GRM5: variants seen among roughly 807,000 people sequenced by gnomAD.
GRM5 encodes the protein glutamate metabotropic receptor 5.
In GRM5, 19 loss-of-function variants were observed where a neutral mutation model predicts 83.1. The observed-to-expected ratio is 0.23, with a 90% CI of 0.16 to 0.34. The LOEUF (loss-of-function observed/expected upper bound fraction) is 0.34, where lower values mean the gene tolerates loss of function less well. Ranked by LOEUF, GRM5 falls within the 10% of genes least tolerant of loss-of-function variation. The pLI is 1.00. For synonymous variants in GRM5, 675 were observed against 633.6 expected, an observed-to-expected ratio of 1.07 and a Z score of -0.98; for missense variants, 1,160 against 1,588.3, an observed-to-expected ratio of 0.73 and a Z score of 4.58.
intron 3 of GRM5, among the ~76,000 whole-genome samples, chr11:88,689,381 T>A (rs1940724117): frequency 6.6e-6 from 1 of 152,106 alleles, no homozygotes; most frequent in Non-Finnish European, 1.5e-5. Context: ...AGTTTTGAGG[T>A]GTGAAGACTT....
Position 88,524,406 on chromosome 11 carries a change from C to T in GRM5, c.2726+903G>A, listed in dbSNP as rs759692096. On this transcript the variant is annotated intron_variant, in intron 9 of 9. Transcript: ENST00000305447. ...CTAATTTTTGTGTTTTTAGTAGAGACGGGGTTTCACCACATTGGCTAGGCT... is the reference window on the plus strand; with the variant it reads ...CTAATTTTTGTGTTTTTAGTAGAGATGGGGTTTCACCACATTGGCTAGGCT... 5.3e-5 allele frequency among the ~76,000 whole-genome samples: 8 copies of T among 151,800 alleles called. No individual in the cohort carries two copies. In the South Asian group the frequency reaches 6.2e-4, roughly 12 times the overall value.
chr11:88,976,243 T>C lies in GRM5; in HGVS notation c.661+70969A>G, dbSNP rs1368673258. Reference sequence around the variant, plus strand: ...ATACTGACTGATTAAATATAATGAATATTTAAAAACTGATATAAAATTGTG... The same window carrying C: ...ATACTGACTGATTAAATATAATGAACATTTAAAAACTGATATAAAATTGTG... On this transcript the variant is annotated intron_variant, in intron 2 of 9. Transcript: ENST00000305447. 4.6e-5 allele frequency among the ~76,000 whole-genome samples: 7 copies of C among 152,280 alleles called. No individual in the cohort carries two copies. In the South Asian group the frequency reaches 6.2e-4, roughly 14 times the overall value.
At chr11:88,599,273 G>T (rs999001873) in intron 5 of GRM5, among the ~76,000 whole-genome samples, 4 of 152,166 alleles carry the variant, frequency 2.6e-5, no homozygotes, top group African/African-American at 7.2e-5. Flanking sequence ...CAGGGAACTT[G>T]TTTTAAGGAA....
chr11:88,777,040 A>G (rs1050356800), intron 3 of GRM5, among the ~76,000 whole-genome samples: 8 of 152,156 alleles, frequency 5.3e-5, no homozygotes, highest in African/African-American at 1.9e-4. Context: ...GTGTTTTCCA[A>G]CTTGGTTCCA....
chr11:88,574,234 G>T (rs1943059817), intron 7 of GRM5, among the ~76,000 whole-genome samples: 1 of 152,112 alleles, frequency 6.6e-6, no homozygotes. Flanking sequence ...AATATATTTT[G>T]TATACAATTA....
chr11:88,744,361 G>C (rs1057376170), intron 3 of GRM5, among the ~76,000 whole-genome samples: 13 of 152,140 alleles, frequency 8.5e-5, no homozygotes, highest in African/African-American at 3.1e-4. Flanking sequence ...TTATGACAAG[G>C]TCACCTTTGC....
intron 2 of GRM5, among the ~76,000 whole-genome samples, chr11:88,995,427 C>T (rs1940149913): frequency 6.6e-6 from 1 of 151,520 alleles, no homozygotes; most frequent in South Asian, 2.1e-4. Flanking sequence ...CACCTGTAGT[C>T]CCAGCTACTA....
In GRM5 at chr11:88,934,626, T is replaced by C. The variant is rs191884683; in HGVS notation, c.662-84471A>G. Among the ~76,000 whole-genome samples, 172 of 152,016 alleles carry C rather than the reference T, an allele frequency of 1.1e-3. 1 individual carries two copies. The highest frequency in any genetic ancestry group is 1.8e-3 in the Non-Finnish European group (124 of 67,872). ...GTGATTTAATTTCAGAAAGATAACA[T>C]CCTCAATCACATTAACTTAATGATT... On this transcript the variant is annotated intron_variant, in intron 2 of 9. Coordinates refer to ENST00000305447, the MANE Select transcript of GRM5 (RefSeq NM_001143831.3).
At chr11:89,061,843 C>T (rs1942000983) in intron 1 of GRM5, among the ~76,000 whole-genome samples, 2 of 152,152 alleles carry the variant, frequency 1.3e-5, no homozygotes, top group South Asian at 2.1e-4. Flanking sequence ...GTGTGTAGCC[C>T]GCAGCCAAAA....
At chr11:88,527,000 G>T (rs915718870) in intron 8 of GRM5, among the ~76,000 whole-genome samples, 3 of 152,130 alleles carry the variant, frequency 2.0e-5, no homozygotes, top group African/African-American at 4.8e-5. Context: ...GAGAGGAAAA[G>T]AACTTAGAGA....
chr11:88,710,874 A>G (rs1941266572), intron 3 of GRM5, among the ~76,000 whole-genome samples: 1 of 152,102 alleles, frequency 6.6e-6, no homozygotes, highest in Non-Finnish European at 1.5e-5. Flanking sequence ...ATGCTGAAAA[A>G]TGAATTAGAA....
At position 88,882,292 on chromosome 11, in the gene GRM5, C is replaced by T. The variant is rs966988192; in HGVS notation, c.662-32137G>A. 3.3e-5 allele frequency among the ~76,000 whole-genome samples: 4 copies of T among 121,620 alleles called. No homozygotes were observed. The Admixed American group carries it at 3.4e-4, about 10-fold the overall frequency. 79.8% of individuals were successfully genotyped at this position (121,620 alleles called of 152,430 possible). A position where few individuals can be genotyped will look rare whatever the true frequency, so the allele number is the denominator to read the frequency against. On this transcript the variant is annotated intron_variant, in intron 2 of 9. Coordinates refer to ENST00000305447, the MANE Select transcript of GRM5 (RefSeq NM_001143831.3). Reference sequence around the variant, plus strand: ...AATAATAAAAAGAAAAATATCATGCCTGTAATCCCAGCACTTTGGGAGGCC... The same window carrying T: ...AATAATAAAAAGAAAAATATCATGCTTGTAATCCCAGCACTTTGGGAGGCC...
rs1006599021 is a variant in GRM5 at position 88,701,088 on chromosome 11, G to A, written c.912-47685C>T. Among the ~76,000 whole-genome samples the A allele has an allele frequency of 2.7e-4, 41 of 152,234 alleles. 1 individual carries two copies. Among genetic ancestry groups the A allele is most frequent in the African/African-American group, 9.6e-4 (40 of 41,566 alleles). Reference sequence around the variant, plus strand: ...AGGTCCTGCTTCCCAAGGAGGGAATGCTTCCAGCAAGGGACACAGTGAGTT... The same window carrying A: ...AGGTCCTGCTTCCCAAGGAGGGAATACTTCCAGCAAGGGACACAGTGAGTT... On this transcript the variant is annotated intron_variant, in intron 3 of 9. Transcript: ENST00000305447.
intron 5 of GRM5, among the ~76,000 whole-genome samples, chr11:88,603,746 T>A (rs941345470): frequency 8.5e-5 from 13 of 152,184 alleles, no homozygotes; most frequent in African/African-American, 2.9e-4. Flanking sequence ...CTCCAGCTCA[T>A]CTTAGAATGT....
chr11:88,561,004 C>A (rs2135161898), intron 8 of GRM5, among the ~76,000 whole-genome samples: 1 of 152,158 alleles, frequency 6.6e-6, no homozygotes, highest in Admixed American at 6.5e-5. Context: ...TTGAGGTGTC[C>A]TAGCCTTGGA....
At chr11:88,807,575 T>G (rs1320401784) in intron 3 of GRM5, among the ~76,000 whole-genome samples, 3 of 152,090 alleles carry the variant, frequency 2.0e-5, no homozygotes, top group African/African-American at 7.2e-5. Context: ...CACTTACTGC[T>G]GGGCCCTGTG....
chr11:88,509,138 C>T lies in GRM5; in HGVS notation c.3093G>A (p.Ser1031=), dbSNP rs200925052. The change falls in exon 10 of 10, where the codon TCG becomes TCA. Residue 1031 remains serine, a synonymous_variant. Coordinates refer to ENST00000305447, the MANE Select transcript of GRM5 (RefSeq NM_001143831.3). ...GCACATCGTCGTCCGTGCGGCTGGC[C>T]GAGCCCGCGCGGTGGCTCAGCGTGC... is the stretch of plus-strand genomic sequence containing the variant. The part of the protein sequence containing the change: ...PISTLSHRAG[S]ASRTDDDVPS... The T allele has an allele frequency of 7.1e-5, 110 of 1,541,010 alleles. No individual in the cohort carries two copies. Among genetic ancestry groups the T allele is most frequent in the Non-Finnish European group, 9.3e-5 (106 of 1,144,388 alleles).
intron 1 of GRM5, among the ~76,000 whole-genome samples, chr11:89,052,591 C>T (rs1484557376): frequency 1.3e-5 from 2 of 152,122 alleles, no homozygotes; most frequent in Non-Finnish European, 2.9e-5. Context: ...GTATGTGTGG[C>T]ATATGTATAC....
intron 4 of GRM5, among the ~76,000 whole-genome samples, chr11:88,616,364 G>T (rs1591384628): frequency 6.7e-6 from 1 of 150,102 alleles, no homozygotes; most frequent in East Asian, 2.0e-4. Context: ...AGAGATGGGG[G>T]TTGGATAAGA....
Sources: allele counts gnomAD v4.1 joint callset (sites outside exome capture counted in the v4.1 genomes callset), GRCh38; gene constraint gnomAD v4.1.1; transcripts MANE v1.5; gene names NCBI Gene and HGNC (gene_info 2026-07-23, HGNC 2026-07-21).